SEMA3D: variants seen among roughly 807,000 people sequenced by gnomAD.
The protein encoded by SEMA3D is semaphorin 3D.
In SEMA3D, 84 loss-of-function variants were observed where a neutral mutation model predicts 100.1. That is an observed-to-expected ratio of 0.84 (90% CI 0.70 to 1.01). The LOEUF (loss-of-function observed/expected upper bound fraction) is 1.01. Among genes scored for constraint, SEMA3D ranks in the 50% least tolerant of loss-of-function variants. The pLI, the probability that SEMA3D is intolerant of heterozygous loss-of-function variation, is 0.00. For missense variants in SEMA3D, 875 were observed against 934.1 expected (o/e 0.94, Z 0.82); for synonymous variants, 312 against 320.7 (o/e 0.97, Z 0.29).
chr7:85,157,742 A>C, intron 1 of SEMA3D: 2 of 470,864 alleles, frequency 4.2e-6, no homozygotes, highest in Non-Finnish European at 5.6e-6. Context: ...ACAACACCCA[A>C]CAGTCTTCAC....
the SEMA3D span, among the ~76,000 whole-genome samples, chr7:85,247,391 A>G: frequency 2.0e-5 from 3 of 152,140 alleles, no homozygotes; most frequent in Non-Finnish European, 2.9e-5. Context: ...TAGAAGAACA[A>G]TAAGAGGTCA....
At chr7:85,210,691 A>G in the SEMA3D span, among the ~76,000 whole-genome samples, 3 of 152,096 alleles carry the variant, frequency 2.0e-5, no homozygotes, top group Non-Finnish European at 4.4e-5. Context: ...TACCATATTC[A>G]GAAATGGAAA....
intron 5 of SEMA3D, among the ~76,000 whole-genome samples, chr7:85,081,128 G>C (rs538861799): frequency 6.6e-6 from 1 of 152,130 alleles, no homozygotes; most frequent in African/African-American, 2.4e-5. Flanking sequence ...AATTCTGTTT[G>C]TGATGCTAAA....
intron 7 of SEMA3D, among the ~76,000 whole-genome samples, chr7:85,067,975 A>T (rs1248063302): frequency 6.6e-6 from 1 of 152,200 alleles, no homozygotes; most frequent in Admixed American, 6.5e-5. Context: ...AAGTTAATTT[A>T]AAAAGTAACT....
At chr7:85,077,151 A>G (rs992470924) in intron 5 of SEMA3D, among the ~76,000 whole-genome samples, 8 of 151,570 alleles carry the variant, frequency 5.3e-5, no homozygotes, top group African/African-American at 1.9e-4. Flanking sequence ...GATTGTTAAT[A>G]CTTCAAAATA....
intron 9 of SEMA3D, among the ~76,000 whole-genome samples, chr7:85,043,872 C>T (rs1790930172): frequency 6.6e-6 from 1 of 152,170 alleles, no homozygotes; most frequent in African/African-American, 2.4e-5. Flanking sequence ...TCCAATTAAA[C>T]CTATTTTTTT....
chr7:85,211,987 T>C, the SEMA3D span, among the ~76,000 whole-genome samples: 1 of 152,174 alleles, frequency 6.6e-6, no homozygotes, highest in Non-Finnish European at 1.5e-5. Context: ...ATTAAGTTTT[T>C]GGAGAGTCAA....
At chr7:85,037,363 C>G (rs115571632) in intron 11 of SEMA3D, among the ~76,000 whole-genome samples, 1 of 151,974 alleles carries the variant, frequency 6.6e-6, no homozygotes, top group South Asian at 2.1e-4. Flanking sequence ...ATAAAACAAA[C>G]CCTGGAGGAT....
chr7:85,019,432 A>G (rs1232574007), intron 14 of SEMA3D, among the ~76,000 whole-genome samples: 2 of 151,688 alleles, frequency 1.3e-5, no homozygotes, highest in African/African-American at 4.8e-5. Flanking sequence ...TCATCACAAC[A>G]TAAACAGGAT....
chr7:85,248,881 T>C, the SEMA3D span, among the ~76,000 whole-genome samples: 2 of 152,288 alleles, frequency 1.3e-5, no homozygotes, highest in South Asian at 4.1e-4. Flanking sequence ...GTAAAACTTC[T>C]GTGTGATACT....
chr7:85,111,606 C>T (rs559282032), intron 3 of SEMA3D, among the ~76,000 whole-genome samples: 24 of 152,132 alleles, frequency 1.6e-4, no homozygotes, highest in Non-Finnish European at 2.5e-4. Context: ...TCAAACTTGG[C>T]TCCCTATTTC....
intron 2 of SEMA3D, among the ~76,000 whole-genome samples, chr7:85,129,718 C>A (rs535161382): frequency 6.6e-6 from 1 of 152,140 alleles, no homozygotes; most frequent in South Asian, 2.1e-4. Flanking sequence ...AATTAAATTA[C>A]GTTTTTGGAT....
At chr7:85,059,217 AT>A (rs922562416) in intron 8 of SEMA3D, among the ~76,000 whole-genome samples, 2 of 152,250 alleles carry the variant, frequency 1.3e-5, no homozygotes, top group African/African-American at 4.8e-5. Context: ...AAATACAAAA[AT>A]AAATAAAACC....
At chr7:85,167,989 C>T (rs1026240281) in intron 1 of SEMA3D, among the ~76,000 whole-genome samples, 1 of 151,878 alleles carries the variant, frequency 6.6e-6, no homozygotes, top group African/African-American at 2.4e-5. Flanking sequence ...AAACAAAACA[C>T]TAGTAGGGGT....
chr7:85,020,274 TC>T lies in SEMA3D; in HGVS notation c.1461del (p.Trp487Ter). 2 of 1,610,340 alleles carry T rather than the reference TC, an allele frequency of 1.2e-6. No individual in the cohort carries two copies. The highest frequency in any genetic ancestry group is 1.7e-6 in the Non-Finnish European group (2 of 1,177,536). Reference sequence around the variant, plus strand: ...TCCTCCAGCACTACCTCTTCCATATTCCACTTTTCCTTTGAAATGCTGACAA... The same window carrying T: ...TCCTCCAGCACTACCTCTTCCATATTCACTTTTCCTTTGAAATGCTGACAA... ...LKVVSISKEK[W>X]NMEEVVLEEL... On this transcript the variant is annotated frameshift_variant, in exon 14 of 19. Coordinates refer to ENST00000284136, the MANE Select transcript of SEMA3D (RefSeq NM_001384900.1). LOFTEE classifies it high-confidence loss of function.
At chr7:85,236,286 TTTATTTA>T in the SEMA3D span, among the ~76,000 whole-genome samples, 56 of 94,034 alleles carry the variant, frequency 6.0e-4, no homozygotes, top group African/African-American at 1.9e-3. Context: ...TTTTATTTTA[TTTATTTA>T]TTTATTTATT....
chr7:85,225,577 A>G, the SEMA3D span, among the ~76,000 whole-genome samples: 1 of 152,306 alleles, frequency 6.6e-6, no homozygotes, highest in South Asian at 2.1e-4. Flanking sequence ...GATTTTCTAG[A>G]TAACTATCAG....
chr7:85,090,244 GAGA>G (rs1330926029), intron 4 of SEMA3D, among the ~76,000 whole-genome samples: 1 of 152,160 alleles, frequency 6.6e-6, no homozygotes, highest in Non-Finnish European at 1.5e-5. Flanking sequence ...ATTGGACACA[GAGA>G]AGGAGTTCTT....
chr7:85,248,599 GA>G, the SEMA3D span, among the ~76,000 whole-genome samples: 1 of 152,000 alleles, frequency 6.6e-6, no homozygotes, highest in African/African-American at 2.4e-5. Flanking sequence ...GGTGAATATA[GA>G]AATAAAACGT....
Sources: gnomAD v4.1 joint callset for allele counts (sites outside exome capture counted in the v4.1 genomes callset) on GRCh38, gnomAD v4.1.1 for gene constraint, MANE v1.5 for transcripts, NCBI Gene and HGNC (gene_info 2026-07-23, HGNC 2026-07-21) for gene names.